The following N4BP2 variants were observed in gnomAD, a reference collection of about 807,000 sequenced individuals.
N4BP2 encodes the protein NEDD4 binding protein 2.
In N4BP2, 91 loss-of-function variants were observed where a neutral mutation model predicts 152.8. The ratio of observed to expected loss-of-function variants is 0.60; its 90% CI spans 0.50 to 0.71. The LOEUF (loss-of-function observed/expected upper bound fraction) is 0.71. Ranked by LOEUF, N4BP2 falls within the 30% of genes least tolerant of loss-of-function variation. The probability of loss-of-function intolerance (pLI) is 0.00; values close to 1 mark genes in which losing one functional copy is unlikely to be tolerated. For missense variants in N4BP2, 1,923 were observed against 2,059.1 expected (o/e 0.93, Z 1.28); for synonymous variants, 646 against 705.3 (o/e 0.92, Z 1.33).
At chr4:40,070,765 C>A (rs1363667853) in intron 1 of N4BP2, among the ~76,000 whole-genome samples, 1 of 151,874 alleles carries the variant, frequency 6.6e-6, no homozygotes, top group East Asian at 1.9e-4. Context: ...GCTACTTATA[C>A]TATATTCAGA....
At chr4:40,181,215 A>G in the N4BP2 span, among the ~76,000 whole-genome samples, 2 of 152,082 alleles carry the variant, frequency 1.3e-5, no homozygotes, top group Non-Finnish European at 2.9e-5. Context: ...TAAAATAGTC[A>G]TTGGTGGCTC....
Position 40,150,575 on chromosome 4 carries a change from G to A in N4BP2, c.5144-2205G>A, listed in dbSNP as rs116807441. 3.3e-3 allele frequency among the ~76,000 whole-genome samples: 505 copies of A among 152,032 alleles called. 2 individuals are homozygous for A. Among genetic ancestry groups the A allele is most frequent in the Non-Finnish European group, 5.6e-3 (382 of 67,986 alleles). On this transcript the variant is annotated intron_variant, in intron 16 of 17. Transcript: ENST00000261435. ...AATCCCAGCCACTCTGGAAACTGAG[G>A]CAGAAGAATCGCTTGAACCCAGGAG...
Position 40,124,188 on chromosome 4 carries a change from G to C in N4BP2, c.4313G>C (p.Cys1438Ser). 1 of 1,608,632 alleles carries C rather than the reference G, an allele frequency of 6.2e-7. No individual in the cohort carries two copies. Among genetic ancestry groups the C allele is most frequent in the Non-Finnish European group, 8.5e-7 (1 of 1,176,240 alleles). Residue 1438 changes from cysteine (C) to serine (S), a missense_variant, in exon 11 of 18, where the codon TGT becomes TCT. Cys to Ser is a moderately radical substitution (Grantham distance 112). Coordinates refer to ENST00000261435, the MANE Select transcript of N4BP2 (RefSeq NM_018177.6). ...MERQRQEEVS[C>S]GKFMQDPSLV... ...CGACAAAGACAAGAAGAGGTGTCTT[G>C]TGGCAAGTTTATGCAAGGTAAAGCA...
the N4BP2 span, among the ~76,000 whole-genome samples, chr4:40,187,824 G>C: frequency 1.3e-5 from 2 of 152,236 alleles, no homozygotes; most frequent in Non-Finnish European, 1.5e-5. Context: ...AGCAGAAACT[G>C]TGCGTTAGTG....
the N4BP2 span, among the ~76,000 whole-genome samples, chr4:40,163,744 C>A: frequency 1.3e-5 from 2 of 152,166 alleles, no homozygotes; most frequent in Non-Finnish European, 2.9e-5. Flanking sequence ...AATTAACTAA[C>A]CCTGGAACTG....
At chr4:40,114,231 G>A (rs1717156323) in intron 7 of N4BP2, among the ~76,000 whole-genome samples, 2 of 151,978 alleles carry the variant, frequency 1.3e-5, no homozygotes, top group African/African-American at 4.8e-5. Flanking sequence ...TTTTGGTTAG[G>A]CTATTTTTTT....
chr4:40,072,406 C>T (rs570800982), intron 1 of N4BP2, among the ~76,000 whole-genome samples: 1 of 151,978 alleles, frequency 6.6e-6, no homozygotes, highest in Admixed American at 6.6e-5. Context: ...CCACCATGCC[C>T]AGCTAATTTT....
chr4:40,141,189 C>T (rs1241984139), intron 14 of N4BP2, among the ~76,000 whole-genome samples: 4 of 151,328 alleles, frequency 2.6e-5, no homozygotes, highest in Non-Finnish European at 4.4e-5. Context: ...CCCCTCACCT[C>T]CCGGAGGGGG....
the N4BP2 span, among the ~76,000 whole-genome samples, chr4:40,190,344 A>G: frequency 6.6e-6 from 1 of 152,382 alleles, no homozygotes; most frequent in Admixed American, 6.5e-5. Flanking sequence ...AGATGGCTTC[A>G]GGAGGCACCT....
the N4BP2 span, among the ~76,000 whole-genome samples, chr4:40,180,203 C>A: frequency 6.6e-6 from 1 of 152,008 alleles, no homozygotes; most frequent in Non-Finnish European, 1.5e-5. Flanking sequence ...CTTTCATATA[C>A]AAACAACTTT....
chr4:40,082,275 CAAAAAAAAA>C (rs370100487), intron 2 of N4BP2, among the ~76,000 whole-genome samples: 29 of 95,056 alleles, frequency 3.1e-4, no homozygotes, highest in Non-Finnish European at 5.7e-4. Flanking sequence ...GACCCTGTCT[CAAAAAAAAA>C]AAAAAAAAAA....
chr4:40,065,299 A>G (rs542252297), intron 1 of N4BP2, among the ~76,000 whole-genome samples: 4 of 152,334 alleles, frequency 2.6e-5, no homozygotes, highest in African/African-American at 9.6e-5. Flanking sequence ...TGGACCTCTC[A>G]GGTTTGAAGT....
At chr4:40,111,588 G>A (rs1357020391) in intron 5 of N4BP2, among the ~76,000 whole-genome samples, 1 of 151,796 alleles carries the variant, frequency 6.6e-6, no homozygotes, top group Non-Finnish European at 1.5e-5. Context: ...CAAAGTGCTG[G>A]GATTACAGGC....
downstream of N4BP2, among the ~76,000 whole-genome samples, chr4:40,158,825 AC>A (rs1276633592): frequency 6.6e-6 from 1 of 152,126 alleles, no homozygotes; most frequent in Non-Finnish European, 1.5e-5. Context: ...AATATTAATG[AC>A]CTTGGAACTT....
At chr4:40,184,657 TATTAA>T in the N4BP2 span, among the ~76,000 whole-genome samples, 1 of 152,154 alleles carries the variant, frequency 6.6e-6, no homozygotes, top group African/African-American at 2.4e-5. Context: ...ATTTTTTTCA[TATTAA>T]ATTGAGATTT....
At chr4:40,080,600 G>T (rs1406517558) in intron 2 of N4BP2, among the ~76,000 whole-genome samples, 3 of 151,814 alleles carry the variant, frequency 2.0e-5, no homozygotes, top group African/African-American at 7.3e-5. Flanking sequence ...CTCCCAAAGT[G>T]CTGGGATTAC....
intron 14 of N4BP2, among the ~76,000 whole-genome samples, chr4:40,141,662 G>A (rs888007418): frequency 6.6e-6 from 1 of 152,080 alleles, no homozygotes; most frequent in African/African-American, 2.4e-5. Context: ...AGGCAGAGAC[G>A]CTCCTCACTT....
intron 16 of N4BP2, 147 bp from the exon 17 acceptor site, chr4:40,152,633 A>C (rs1721242667): frequency 1.4e-6 from 1 of 722,632 alleles, no homozygotes; most frequent in Non-Finnish European, 2.3e-6. Flanking sequence ...TGAGATAGCA[A>C]ATCTGTCTTA....
chr4:40,099,712 T>C (rs1281608072), intron 3 of N4BP2, among the ~76,000 whole-genome samples: 1 of 152,146 alleles, frequency 6.6e-6, no homozygotes, highest in Admixed American at 6.5e-5. Flanking sequence ...ATGGTTTTAA[T>C]TTTTCCCAGC....
Sources: allele counts gnomAD v4.1 joint callset (sites outside exome capture counted in the v4.1 genomes callset), GRCh38; gene constraint gnomAD v4.1.1; transcripts MANE v1.5; gene names NCBI Gene and HGNC (gene_info 2026-07-23, HGNC 2026-07-21).